Variants in PLSCR2 observed in about 807,000 individuals in gnomAD.
The protein encoded by PLSCR2 is phospholipid scramblase 2.
A neutral mutation model predicts 25.3 loss-of-function variants in PLSCR2; 18 were observed. That is an observed-to-expected ratio of 0.71 (90% CI 0.49 to 1.06). The LOEUF is 1.06. Among genes scored for constraint, PLSCR2 ranks in the 50% least tolerant of loss-of-function variants. The pLI is 0.00. For missense variants in PLSCR2, 243 were observed against 269.5 expected (o/e 0.90, Z 0.69); for synonymous variants, 88 against 87.3 (o/e 1.01, Z -0.04).
chr3:146,468,154 T>C (rs988948120), intron 1 of PLSCR2, among the ~76,000 whole-genome samples: 6 of 152,218 alleles, frequency 3.9e-5, no homozygotes, highest in African/African-American at 1.2e-4. Flanking sequence ...GGCTGCTTCA[T>C]GTACAGTGAG....
chr3:146,407,909 G>GGTT (rs770906846), intron 2 of PLSCR2, among the ~76,000 whole-genome samples: 6 of 152,138 alleles, frequency 3.9e-5, no homozygotes, highest in Non-Finnish European at 7.4e-5. Flanking sequence ...ACATCTTGAA[G>GGTT]GTTGGGTCAG....
At chr3:146,392,344 G>A (rs1222955663) in intron 3 of PLSCR2, among the ~76,000 whole-genome samples, 2 of 151,998 alleles carry the variant, frequency 1.3e-5, no homozygotes, top group African/African-American at 2.4e-5. Flanking sequence ...CATCAGCATT[G>A]AGCATACATC....
Position 146,475,668 on chromosome 3 carries a change from T to C in PLSCR2, c.-292-15384A>G, listed in dbSNP as rs536864485. Among the ~76,000 whole-genome samples, 60 of 152,320 alleles carry C rather than the reference T, an allele frequency of 3.9e-4. No homozygotes were observed. The South Asian group carries it at 6.8e-3, about 17-fold the overall frequency. ...TTCAGTTAGCATAGTAGTCATTCAA[T>C]AAATGGATATAGTTTTCCTTAAATA... On this transcript the variant is annotated intron_variant, in intron 1 of 8. Transcript: ENST00000336685.
chr3:146,461,335 A>T (rs2041559520), upstream of PLSCR2, among the ~76,000 whole-genome samples: 1 of 152,226 alleles, frequency 6.6e-6, no homozygotes, highest in African/African-American at 2.4e-5. Context: ...TTAACCTAGT[A>T]CTAATGCACT....
chr3:146,477,783 A>G (rs1576723382), intron 1 of PLSCR2, among the ~76,000 whole-genome samples: 1 of 152,236 alleles, frequency 6.6e-6, no homozygotes, highest in Admixed American at 6.5e-5. Context: ...TGCCTCTTCA[A>G]GTGAGTCTCT....
chr3:146,399,705 C>A (rs1251455387), intron 2 of PLSCR2, among the ~76,000 whole-genome samples: 2 of 151,430 alleles, frequency 1.3e-5, no homozygotes, highest in African/African-American at 4.8e-5. Flanking sequence ...TTCCTTCCTT[C>A]CTTCTGCTCT....
chr3:146,462,301 AGG>A (rs2041626809), upstream of PLSCR2, among the ~76,000 whole-genome samples: 2 of 152,052 alleles, frequency 1.3e-5, no homozygotes, highest in Admixed American at 1.3e-4. Context: ...TATGTTGCCC[AGG>A]CTGGTCTCAA....
At chr3:146,479,762 C>G (rs185967594) in intron 1 of PLSCR2, among the ~76,000 whole-genome samples, 1 of 152,194 alleles carries the variant, frequency 6.6e-6, no homozygotes, top group Admixed American at 6.5e-5. Flanking sequence ...GAACTCTCCA[C>G]CCCAAATCAG....
upstream of PLSCR2, among the ~76,000 whole-genome samples, chr3:146,463,354 T>G (rs2041711973): frequency 6.6e-6 from 1 of 151,994 alleles, no homozygotes; most frequent in African/African-American, 2.4e-5. Context: ...ATTTTTTTTG[T>G]CCATGTTAGC....
exon 1 of PLSCR2, chr3:146,460,213 G>A: frequency 7.2e-7 from 1 of 1,389,936 alleles, no homozygotes. Context: ...CTTGAGGTAT[G>A]TTTTTATCTT....
At chr3:146,467,118 A>ACACATATGTGTACATACATATATC (rs1242797902) in intron 1 of PLSCR2, among the ~76,000 whole-genome samples, 1 of 152,218 alleles carries the variant, frequency 6.6e-6, no homozygotes, top group African/African-American at 2.4e-5. Context: ...GTGTACAGGT[A>ACACATATGTGTACATACATATATC]CACATATGTG....
At chr3:146,467,531 C>G (rs910585269) in intron 1 of PLSCR2, among the ~76,000 whole-genome samples, 1 of 151,900 alleles carries the variant, frequency 6.6e-6, no homozygotes, top group East Asian at 1.9e-4. Context: ...AGGCACTGTA[C>G]AGGCACTAAA....
intron 2 of PLSCR2, among the ~76,000 whole-genome samples, chr3:146,426,697 TTTAA>T (rs2039367000): frequency 1.3e-5 from 2 of 152,212 alleles, no homozygotes; most frequent in Non-Finnish European, 1.5e-5. Flanking sequence ...TATTTAGTAC[TTTAA>T]TTAAAGATTA....
At chr3:146,406,134 T>C (rs1054025346) in intron 2 of PLSCR2, among the ~76,000 whole-genome samples, 2 of 152,202 alleles carry the variant, frequency 1.3e-5, no homozygotes, top group African/African-American at 2.4e-5. Context: ...TTCTAGTACA[T>C]AATTTAGGAT....
At position 146,403,295 on chromosome 3, in the gene PLSCR2, G is replaced by A. The variant is rs147424323; in HGVS notation, c.101-7374C>T. The stretch of plus-strand genomic sequence containing the variant: ...CTAACTCACGGTGTTAAATTACATG[G>A]AAGTGTCTTCATTTAGAGTGGTAGT... On this transcript the variant is annotated intron_variant and NMD_transcript_variant, in intron 2 of 3. Coordinates refer to the PLSCR2 transcript ENST00000463633. Among the ~76,000 whole-genome samples, 10 of 152,274 alleles carry A rather than the reference G, an allele frequency of 6.6e-5. No homozygotes were observed. In the East Asian group the frequency reaches 1.7e-3, roughly 26 times the overall value.
At chr3:146,452,059 A>G (rs2040930909) in intron 5 of PLSCR2, among the ~76,000 whole-genome samples, 1 of 152,230 alleles carries the variant, frequency 6.6e-6, no homozygotes, top group Non-Finnish European at 1.5e-5. Context: ...CTAGTTGGTT[A>G]GACGTACAGG....
chr3:146,446,877 T>C (rs1270238851), intron 6 of PLSCR2, among the ~76,000 whole-genome samples: 2 of 152,032 alleles, frequency 1.3e-5, no homozygotes, highest in African/African-American at 4.8e-5. Flanking sequence ...AAGGAAAAAA[T>C]CTTCCCATGC....
At chr3:146,484,771 G>A (rs2043281461) in intron 1 of PLSCR2, among the ~76,000 whole-genome samples, 1 of 151,986 alleles carries the variant, frequency 6.6e-6, no homozygotes, top group African/African-American at 2.4e-5. Flanking sequence ...GTCCTGCCCT[G>A]CAAGAGTTCC....
downstream of PLSCR2, among the ~76,000 whole-genome samples, chr3:146,440,373 G>A (rs1478614319): frequency 6.6e-6 from 1 of 152,222 alleles, no homozygotes; most frequent in Non-Finnish European, 1.5e-5. Context: ...GCTTCCAGAG[G>A]TGGAGTCTAC....
Sources: allele counts gnomAD v4.1 joint callset (sites outside exome capture counted in the v4.1 genomes callset), GRCh38; gene constraint gnomAD v4.1.1; transcripts MANE v1.5; gene names NCBI Gene and HGNC (gene_info 2026-07-23, HGNC 2026-07-21).